Variants in MARK3 observed in about 807,000 individuals in gnomAD.
MARK3 encodes MAP/microtubule affinity-regulating kinase 3.
MARK3 carries 46 observed loss-of-function variants against 90.1 expected under a neutral mutation model. The observed-to-expected ratio is 0.51, with a 90% confidence interval of 0.40 to 0.65. The LOEUF (loss-of-function observed/expected upper bound fraction) is 0.65. Ranked by LOEUF, MARK3 falls within the 30% of genes least tolerant of loss-of-function variation. The pLI is 0.00. For synonymous variants in MARK3, 321 were observed against 332.6 expected, an observed-to-expected ratio of 0.97 and a Z score of 0.38; for missense variants, 818 against 947.2, an observed-to-expected ratio of 0.86 and a Z score of 1.79.
chr14:103,491,303 C>T (rs1190091561), intron 14 of MARK3: 1 of 231,316 alleles, frequency 4.3e-6, no homozygotes, highest in Non-Finnish European at 8.4e-6. Context: ...TCGCGTACTA[C>T]AAAATGTATA....
chr14:103,401,543 G>A (rs372840235), intron 1 of MARK3, among the ~76,000 whole-genome samples: 1 of 152,128 alleles, frequency 6.6e-6, no homozygotes, highest in African/African-American at 2.4e-5. Context: ...GTGGCCGTCC[G>A]TTTTAGGGCA....
At chr14:103,414,554 G>T (rs1016034331) in intron 2 of MARK3, among the ~76,000 whole-genome samples, 1 of 152,154 alleles carries the variant, frequency 6.6e-6, no homozygotes, top group Non-Finnish European at 1.5e-5. Flanking sequence ...GCGTTCTCTT[G>T]CCCTGTGATG....
chr14:103,484,643 T>C lies in MARK3; in HGVS notation c.1586+4153T>C, dbSNP rs148719332. 2.2e-3 allele frequency among the ~76,000 whole-genome samples: 328 copies of C among 152,336 alleles called. 1 individual carries two copies. The highest frequency in any genetic ancestry group is 6.9e-3 in the African/African-American group (285 of 41,570). On this transcript the variant is annotated intron_variant, in intron 14 of 17. Coordinates refer to ENST00000429436, the MANE Select transcript of MARK3 (RefSeq NM_001128918.3). ...TCTTTGGACTACATATAAAAGTTGC[T>C]TTTTTTAGGCTGGGCGCGGTGGCTC...
intron 7 of MARK3, among the ~76,000 whole-genome samples, chr14:103,463,909 A>G (rs184444420): frequency 2.3e-3 from 350 of 152,198 alleles, no homozygotes; most frequent in African/African-American, 6.1e-3. Flanking sequence ...ACACATCTCT[A>G]TCTCACATAC....
At chr14:103,413,604 AT>A (rs1313588567) in intron 2 of MARK3, among the ~76,000 whole-genome samples, 17 of 111,034 alleles carry the variant, frequency 1.5e-4, no homozygotes, top group Non-Finnish European at 3.3e-4. Flanking sequence ...ATTTTATTTT[AT>A]TTTATTTATT....
intron 14 of MARK3, chr14:103,490,201 GC>G (rs2093993822): frequency 6.6e-6 from 1 of 152,136 alleles, no homozygotes; most frequent in Non-Finnish European, 1.5e-5. Flanking sequence ...TGTATTCCCA[GC>G]CACTTAGGAG....
intron 1 of MARK3, among the ~76,000 whole-genome samples, chr14:103,389,711 G>T (rs528106893): frequency 6.7e-6 from 1 of 149,562 alleles, no homozygotes; most frequent in African/African-American, 2.5e-5. Context: ...TGGGAGGCCG[G>T]GGCAGGTGGA....
At chr14:103,401,774 A>G (rs933498501) in intron 1 of MARK3, among the ~76,000 whole-genome samples, 4 of 152,220 alleles carry the variant, frequency 2.6e-5, no homozygotes, top group African/African-American at 9.6e-5. Flanking sequence ...AAAAAAAAGT[A>G]GCATAATAGA....
chr14:103,472,714 TAAAAAG>T (rs1431367066), intron 12 of MARK3, among the ~76,000 whole-genome samples: 1 of 143,676 alleles, frequency 7.0e-6, no homozygotes. Context: ...CTACTCACAA[TAAAAAG>T]GAACAGGCTG....
intron 5 of MARK3, among the ~76,000 whole-genome samples, chr14:103,455,653 T>C (rs909917321): frequency 1.4e-5 from 2 of 147,550 alleles, no homozygotes; most frequent in African/African-American, 2.5e-5. Flanking sequence ...GCTTGAACGT[T>C]GGAGGCAGAG....
intron 1 of MARK3, among the ~76,000 whole-genome samples, chr14:103,396,696 T>C (rs1444639839): frequency 6.6e-6 from 1 of 152,134 alleles, no homozygotes; most frequent in Non-Finnish European, 1.5e-5. Flanking sequence ...TACCTCTTCT[T>C]GGGTGGTGCC....
chr14:103,481,508 T>G (rs1308655522), intron 14 of MARK3, among the ~76,000 whole-genome samples: 5 of 152,210 alleles, frequency 3.3e-5, no homozygotes, highest in Non-Finnish European at 7.3e-5. Context: ...TCCAAACTGC[T>G]TATCACTTCC....
At chr14:103,405,041 C>T (rs2091195853) in intron 1 of MARK3, 35 bp from the exon 2 acceptor site, 9 of 1,573,054 alleles carry the variant, frequency 5.7e-6, no homozygotes, top group Non-Finnish European at 7.8e-6. Flanking sequence ...TCTGTGTTCT[C>T]TCATTTCCTT....
Position 103,449,581 on chromosome 14 carries a change from G to T in MARK3, c.346+614G>T, listed in dbSNP as rs529134813. Among the ~76,000 whole-genome samples the T allele has an allele frequency of 5.3e-5, 8 of 152,238 alleles. No individual in the cohort carries two copies. In the South Asian group the frequency reaches 1.7e-3, roughly 32 times the overall value. On this transcript the variant is annotated intron_variant, in intron 4 of 17. Transcript: ENST00000429436. ...GATAGGAATTATTTTATAAATCAAA[G>T]ATTTGTTTTCTGTGTCCTCTGTGTG...
chr14:103,395,507 C>G (rs1271098099), intron 1 of MARK3, among the ~76,000 whole-genome samples: 2 of 152,132 alleles, frequency 1.3e-5, no homozygotes. Context: ...TCTGTCTGTT[C>G]TGCTGCATAG....
At chr14:103,408,380 G>T (rs781474027) in intron 2 of MARK3, among the ~76,000 whole-genome samples, 1 of 152,032 alleles carries the variant, frequency 6.6e-6, no homozygotes, top group Non-Finnish European at 1.5e-5. Flanking sequence ...GTAGAGAGGG[G>T]GTTTCACCAT....
chr14:103,432,038 T>C (rs2092599258), intron 3 of MARK3, among the ~76,000 whole-genome samples: 1 of 151,326 alleles, frequency 6.6e-6, no homozygotes, highest in African/African-American at 2.4e-5. Flanking sequence ...TTTTCTGCCT[T>C]AATTCCAGTC....
chr14:103,498,478 T>C, intron 15 of MARK3, 24 bp from the exon 16 acceptor site: 1 of 1,316,032 alleles, frequency 7.6e-7, no homozygotes, highest in Non-Finnish European at 9.9e-7. Flanking sequence ...TAATTTTTTT[T>C]TTTTTTTACT....
chr14:103,492,024 C>T lies in MARK3; in HGVS notation c.1834C>T (p.Leu612Phe). 1 of 1,614,136 alleles carries T rather than the reference C, an allele frequency of 6.2e-7. No individual in the cohort carries two copies. Among genetic ancestry groups the T allele is most frequent in the Non-Finnish European group, 8.5e-7 (1 of 1,180,006 alleles). Residue 612 changes from leucine to phenylalanine, a missense_variant, in exon 15 of 18, where the codon CTC becomes TTC. By Grantham distance (22) the Leu-to-Phe change is conservative. Coordinates refer to ENST00000429436, the MANE Select transcript of MARK3 (RefSeq NM_001128918.3). The part of the protein sequence containing the change: ...TNLFSKLTSK[L>F]TRRNMSFRFI... ...TCTCTTTAGTAAATTAACTTCAAAA[C>T]TCACAAGGAGGTAAGTGCTAGGTGC...
Sources: allele counts gnomAD v4.1 joint callset (sites outside exome capture counted in the v4.1 genomes callset), GRCh38; gene constraint gnomAD v4.1.1; transcripts MANE v1.5; gene names NCBI Gene and HGNC (gene_info 2026-07-23, HGNC 2026-07-21).